The following CNTNAP2 variants were observed in gnomAD, a reference collection of about 807,000 sequenced individuals.
The protein encoded by CNTNAP2 is contactin-associated protein-like 2.
In CNTNAP2, 98 loss-of-function variants were observed where a neutral mutation model predicts 155.2. That is an observed-to-expected ratio of 0.63 (90% CI 0.54 to 0.75). CNTNAP2 has a LOEUF of 0.75. Among genes scored for constraint, CNTNAP2 ranks in the 30% least tolerant of loss-of-function variants. The pLI, the probability that CNTNAP2 is intolerant of heterozygous loss-of-function variation, is 0.00. For missense variants in CNTNAP2, 1,727 were observed against 1,688.1 expected, an observed-to-expected ratio of 1.02 and a Z score of -0.40; for synonymous variants, 651 against 631.2, an observed-to-expected ratio of 1.03 and a Z score of -0.47.
At chr7:147,977,807 T>C (rs1801455487) in intron 14 of CNTNAP2, 55 bp from the exon 15 acceptor site, 1 of 1,611,612 alleles carries the variant, frequency 6.2e-7, no homozygotes, top group Non-Finnish European at 8.5e-7. Context: ...TAGCAGAAAA[T>C]TCATATGTCT....
chr7:146,623,083 CT>C (rs1228854325), intron 1 of CNTNAP2, among the ~76,000 whole-genome samples: 1 of 152,014 alleles, frequency 6.6e-6, no homozygotes, highest in East Asian at 1.9e-4. Flanking sequence ...TGGTAGCCCC[CT>C]GGAGAATAAC....
At chr7:147,093,004 C>T (rs1227146665) in intron 4 of CNTNAP2, among the ~76,000 whole-genome samples, 2 of 151,884 alleles carry the variant, frequency 1.3e-5, no homozygotes, top group Admixed American at 6.6e-5. Flanking sequence ...AGGCGGATCA[C>T]GACGTCAGGA....
intron 10 of CNTNAP2, among the ~76,000 whole-genome samples, chr7:147,469,761 G>T (rs995957780): frequency 1.5e-4 from 23 of 151,720 alleles, no homozygotes; most frequent in Admixed American, 1.3e-4. Context: ...CTCGTGATCC[G>T]CCCTCCTCGG....
chr7:148,113,547 A>C (rs1236216624), intron 15 of CNTNAP2, among the ~76,000 whole-genome samples: 3 of 152,230 alleles, frequency 2.0e-5, no homozygotes, highest in East Asian at 1.9e-4. Flanking sequence ...GTCGGATTCA[A>C]GTAAGTGGCT....
intron 1 of CNTNAP2, among the ~76,000 whole-genome samples, chr7:146,670,106 T>C (rs1225035963): frequency 6.6e-6 from 1 of 152,242 alleles, no homozygotes; most frequent in East Asian, 1.9e-4. Context: ...AGTGTAGTTT[T>C]GTTTCTTTTT....
At chr7:148,022,966 T>C (rs1802312469) in intron 15 of CNTNAP2, among the ~76,000 whole-genome samples, 1 of 152,144 alleles carries the variant, frequency 6.6e-6, no homozygotes. Flanking sequence ...GTTAAATATC[T>C]CATCGGCAGT....
chr7:147,397,609 T>G (rs563245328), intron 10 of CNTNAP2, among the ~76,000 whole-genome samples: 9 of 152,124 alleles, frequency 5.9e-5, no homozygotes, highest in African/African-American at 2.2e-4. Flanking sequence ...AATGTTTTAC[T>G]CTGATAGAGA....
chr7:146,483,313 A>ATG (rs1437588967), intron 1 of CNTNAP2, among the ~76,000 whole-genome samples: 58 of 92,840 alleles, frequency 6.2e-4, no homozygotes, highest in Non-Finnish European at 1.0e-3. Flanking sequence ...ATATATATAT[A>ATG]TATATATATA....
At chr7:146,858,271 T>C (rs962110097) in intron 3 of CNTNAP2, among the ~76,000 whole-genome samples, 2 of 152,190 alleles carry the variant, frequency 1.3e-5, no homozygotes, top group African/African-American at 2.4e-5. Context: ...ATTTGTTCTG[T>C]GAAGATATCA....
chr7:147,196,362 C>T (rs1032421814), intron 8 of CNTNAP2, among the ~76,000 whole-genome samples: 1 of 152,190 alleles, frequency 6.6e-6, no homozygotes, highest in African/African-American at 2.4e-5. Flanking sequence ...ACCCACCTAG[C>T]AAATGTGTGC....
At chr7:146,457,899 A>G (rs1388012129) in intron 1 of CNTNAP2, among the ~76,000 whole-genome samples, 4 of 152,186 alleles carry the variant, frequency 2.6e-5, no homozygotes, top group African/African-American at 9.7e-5. Flanking sequence ...TTTAAAAAGC[A>G]TTAATATATA....
chr7:147,059,392 C>T (rs191475618), intron 4 of CNTNAP2, among the ~76,000 whole-genome samples: 1 of 150,444 alleles, frequency 6.6e-6, no homozygotes, highest in African/African-American at 2.4e-5. Context: ...TAGTAAGAGT[C>T]TTGAGCACAA....
At chr7:148,294,908 T>C (rs974634718) in intron 21 of CNTNAP2, among the ~76,000 whole-genome samples, 4 of 152,204 alleles carry the variant, frequency 2.6e-5, no homozygotes, top group Non-Finnish European at 5.9e-5. Flanking sequence ...AAAATTGTGT[T>C]ACCAACCAGC....
intron 1 of CNTNAP2, among the ~76,000 whole-genome samples, chr7:146,279,007 G>A (rs187345665): frequency 2.0e-5 from 3 of 152,038 alleles, no homozygotes; most frequent in East Asian, 3.9e-4. Context: ...TCTTTTCTTC[G>A]AAGGTTCTTA....
At position 148,409,425 on chromosome 7, in the gene CNTNAP2, C is replaced by T. The variant is rs1243774183; in HGVS notation, c.3750C>T (p.Gly1250=). 1 of 1,613,680 alleles carries T rather than the reference C, an allele frequency of 6.2e-7. No homozygotes were observed. The highest frequency in any genetic ancestry group is 2.2e-5 in the East Asian group (1 of 44,866). The change falls in exon 23 of 24, where the codon GGC becomes GGT. Residue 1250 remains glycine (G), a synonymous_variant. Coordinates refer to ENST00000361727, the MANE Select transcript of CNTNAP2 (RefSeq NM_014141.6). ...SADFPYNPGQ[G]QAIRNGVNRN... ...ATTTTCCATATAATCCAGGACAAGG[C>T]CAAGCTATAAGAAATGGAGTCAACA...
intron 3 of CNTNAP2, among the ~76,000 whole-genome samples, chr7:146,899,230 A>G: frequency 6.6e-6 from 1 of 152,040 alleles, no homozygotes; most frequent in East Asian, 1.9e-4. Context: ...CTTTAATCTC[A>G]TGTTGCTGAC....
At chr7:147,712,962 C>T (rs1329091475) in intron 13 of CNTNAP2, among the ~76,000 whole-genome samples, 1 of 152,106 alleles carries the variant, frequency 6.6e-6, no homozygotes, top group Non-Finnish European at 1.5e-5. Context: ...GATGGTAAAG[C>T]CCAATCTTTC....
intron 1 of CNTNAP2, among the ~76,000 whole-genome samples, chr7:146,697,397 C>A (rs2533102): frequency 6.6e-6 from 1 of 151,994 alleles, no homozygotes; most frequent in African/African-American, 2.4e-5. Flanking sequence ...GCCACCACAC[C>A]GGGTTAATTT....
chr7:146,500,258 T>G (rs1797281616), intron 1 of CNTNAP2, among the ~76,000 whole-genome samples: 1 of 152,196 alleles, frequency 6.6e-6, no homozygotes, highest in Admixed American at 6.5e-5. Context: ...TCCTGCATCT[T>G]GCAGCACAGA....
Sources: gnomAD v4.1 joint callset for allele counts (sites outside exome capture counted in the v4.1 genomes callset) on GRCh38, gnomAD v4.1.1 for gene constraint, MANE v1.5 for transcripts, NCBI Gene and HGNC (gene_info 2026-07-23, HGNC 2026-07-21) for gene names.